ITPRID1: variants seen among roughly 807,000 people sequenced by gnomAD.
ITPRID1 encodes the protein ITPR interacting domain containing 1.
Under a neutral mutation model 95.4 loss-of-function variants are expected in ITPRID1, and 96 were observed. The ratio of observed to expected loss-of-function variants is 1.01; its 90% CI spans 0.85 to 1.19. ITPRID1 has a LOEUF of 1.19. ITPRID1 is among the 50% of genes most tolerant of loss of function. The probability of loss-of-function intolerance (pLI) is 0.00; values close to 1 mark genes in which losing one functional copy is unlikely to be tolerated. For synonymous variants in ITPRID1, 510 were observed against 453.6 expected (o/e 1.12, Z -1.58); for missense variants, 1,339 against 1,252.9 (o/e 1.07, Z -1.04).
At chr7:31,595,707 CATTA>C (rs1381449026) in intron 10 of ITPRID1, among the ~76,000 whole-genome samples, 1 of 151,766 alleles carries the variant, frequency 6.6e-6, no homozygotes, top group Non-Finnish European at 1.5e-5. Context: ...AAGAGGTCAT[CATTA>C]ATAAAATAAA....
At chr7:31,623,373 G>A (rs948307216) in intron 10 of ITPRID1, among the ~76,000 whole-genome samples, 31 of 151,776 alleles carry the variant, frequency 2.0e-4, no homozygotes, top group South Asian at 1.5e-3. Context: ...CTGGCAAACC[G>A]AATCCAGCAG....
In ITPRID1 at chr7:31,605,403, A is replaced by T. The variant is rs924458924; in HGVS notation, c.1228+22212A>T. Reference sequence around the variant, plus strand: ...TAGTATAAAACAATTCAAGGTGAATATTGCATCAAGAAACCTAGGCCATTC... The same window carrying T: ...TAGTATAAAACAATTCAAGGTGAATTTTGCATCAAGAAACCTAGGCCATTC... On this transcript the variant is annotated intron_variant, in intron 10 of 14. Coordinates refer to ENST00000615280, the MANE Select transcript of ITPRID1 (RefSeq NM_001257967.3). 6.6e-4 allele frequency among the ~76,000 whole-genome samples: 101 copies of T among 152,214 alleles called. 2 individuals carry two copies. The highest frequency in any genetic ancestry group is 3.5e-4 in the Non-Finnish European group (24 of 68,036).
At chr7:31,590,902 A>G (rs1029396849) in intron 10 of ITPRID1, among the ~76,000 whole-genome samples, 3 of 152,242 alleles carry the variant, frequency 2.0e-5, no homozygotes, top group African/African-American at 7.2e-5. Context: ...AGATGAAGAA[A>G]CAAGCATGGA....
At chr7:31,620,741 T>A (rs1410738133) in intron 10 of ITPRID1, among the ~76,000 whole-genome samples, 1 of 151,734 alleles carries the variant, frequency 6.6e-6, no homozygotes, top group Admixed American at 6.6e-5. Context: ...TCACCAGCAA[T>A]GGAACAAAGC....
rs757538805 is a variant in ITPRID1 at position 31,652,067 on chromosome 7, G to A, written c.2823+17G>A. 3 of 1,544,332 alleles carry A rather than the reference G, an allele frequency of 1.9e-6. No individual in the cohort carries two copies. In the South Asian group the frequency reaches 3.5e-5, roughly 18 times the overall value. On this transcript the variant is annotated intron_variant, in intron 14 of 14. Transcript: ENST00000615280. ...ATTTTACTGGTATGGGTGATGGGGT[G>A]TGGAGTTTGACTATATCCAGCCTAC... is the stretch of plus-strand genomic sequence containing the variant.
intron 10 of ITPRID1, among the ~76,000 whole-genome samples, chr7:31,628,448 CTTTT>C: frequency 1.4e-5 from 2 of 143,576 alleles, no homozygotes; most frequent in Middle Eastern, 3.6e-3. Flanking sequence ...AGCGTGATTC[CTTTT>C]TTTTTTTTCT....
At chr7:31,656,542 A>C (rs1201364114), downstream of ITPRID1, 1 of 924,620 alleles carries the variant, frequency 1.1e-6, no homozygotes, top group Non-Finnish European at 1.3e-6. Flanking sequence ...CTGTTAGCAA[A>C]GTACTTTATG....
chr7:31,611,065 C>T lies in ITPRID1; in HGVS notation c.1228+27874C>T, dbSNP rs531881240. On this transcript the variant is annotated intron_variant, in intron 10 of 14. Coordinates refer to ENST00000615280, the MANE Select transcript of ITPRID1 (RefSeq NM_001257967.3). ...ACCATTACTGCATTTTTGAGTTAAA[C>T]GGGTATTGTCTAGTATGCCATTTAA... is the stretch of plus-strand genomic sequence containing the variant. Among the ~76,000 whole-genome samples the T allele has an allele frequency of 2.1e-4, 32 of 150,688 alleles. No individual in the cohort carries two copies. In the South Asian group the frequency reaches 4.8e-3, roughly 23 times the overall value.
chr7:31,624,087 G>A (rs38360), intron 10 of ITPRID1, among the ~76,000 whole-genome samples: 1 of 150,108 alleles, frequency 6.7e-6, no homozygotes, highest in Non-Finnish European at 1.5e-5. Context: ...CCTCTTCAAG[G>A]AGAACTACAA....
chr7:31,577,119 T>C (rs943908572), intron 8 of ITPRID1, among the ~76,000 whole-genome samples: 2 of 152,214 alleles, frequency 1.3e-5, no homozygotes, highest in Non-Finnish European at 2.9e-5. Context: ...ATGACTATCT[T>C]CTCTGGAAAG....
At chr7:31,589,121 CT>C (rs1785752786) in intron 10 of ITPRID1, among the ~76,000 whole-genome samples, 1 of 150,944 alleles carries the variant, frequency 6.6e-6, no homozygotes. Flanking sequence ...GATAGAAAAT[CT>C]AAAAAAAAGA....
intron 10 of ITPRID1, among the ~76,000 whole-genome samples, chr7:31,591,567 G>A (rs1419136921): frequency 6.6e-6 from 1 of 152,140 alleles, no homozygotes; most frequent in Non-Finnish European, 1.5e-5. Flanking sequence ...AAAAGTGTAG[G>A]GACTTTCTTC....
At chr7:31,599,827 C>G (rs539219859) in intron 10 of ITPRID1, among the ~76,000 whole-genome samples, 35 of 151,940 alleles carry the variant, frequency 2.3e-4, no homozygotes, top group African/African-American at 7.7e-4. Flanking sequence ...TCCCGAGTAG[C>G]TGGGACTACA....
chr7:31,599,714 C>CTT (rs1786305893), intron 10 of ITPRID1, among the ~76,000 whole-genome samples: 1 of 102,030 alleles, frequency 9.8e-6, no homozygotes, highest in African/African-American at 4.4e-5. Context: ...CTTTCTTTCT[C>CTT]TTTTTTTGAT....
intron 8 of ITPRID1, among the ~76,000 whole-genome samples, chr7:31,575,206 G>A (rs1229436719): frequency 1.3e-5 from 2 of 152,134 alleles, no homozygotes; most frequent in East Asian, 1.9e-4. Flanking sequence ...GCACTAATAT[G>A]TACCGTAGCC....
chr7:31,595,071 T>C (rs1786025212), intron 10 of ITPRID1, among the ~76,000 whole-genome samples: 1 of 129,450 alleles, frequency 7.7e-6, no homozygotes, highest in South Asian at 2.4e-4. Flanking sequence ...TTATAATTTC[T>C]TTTTTTTTTT....
rs60105144 is a variant in ITPRID1 at position 31,611,764 on chromosome 7, AT to A, written c.1228+28578del. ...AAATATCCCTTGTATGTGATGAGTCATTTTTATCTTGCTGCTTACAAGATAC... is the reference window on the plus strand; with the variant it reads ...AAATATCCCTTGTATGTGATGAGTCATTTTATCTTGCTGCTTACAAGATAC... On this transcript the variant is annotated intron_variant, in intron 10 of 14. Transcript: ENST00000615280. 7.8e-4 allele frequency among the ~76,000 whole-genome samples: 118 copies of A among 151,956 alleles called. 1 individual carries two copies. Among genetic ancestry groups the A allele is most frequent in the African/African-American group, 2.7e-3 (114 of 41,532 alleles).
chr7:31,572,924 G>A (rs1337548277), intron 7 of ITPRID1, among the ~76,000 whole-genome samples: 23 of 152,172 alleles, frequency 1.5e-4, no homozygotes, highest in Non-Finnish European at 1.5e-5. Flanking sequence ...ATAAATATAT[G>A]TATAAATGGG....
rs918138432 is a variant in ITPRID1 at position 31,544,719 on chromosome 7, A to G, written c.-97-4707A>G. On this transcript the variant is annotated intron_variant, in intron 1 of 14. Transcript: ENST00000615280. ...CAAAGATTGTTTGTACACAGTAGAC[A>G]CTCATATATTTAATTGAATTAGTAG... 3.3e-5 allele frequency among the ~76,000 whole-genome samples: 5 copies of G among 152,262 alleles called. No individual in the cohort carries two copies. In the South Asian group the frequency reaches 8.3e-4, roughly 25 times the overall value.
Sources: gnomAD v4.1 joint callset for allele counts (sites outside exome capture counted in the v4.1 genomes callset) on GRCh38, gnomAD v4.1.1 for gene constraint, MANE v1.5 for transcripts, NCBI Gene and HGNC (gene_info 2026-07-23, HGNC 2026-07-21) for gene names.